The following HEATR5B variants were observed in gnomAD, a reference collection of about 807,000 sequenced individuals.
HEATR5B encodes HEAT repeat containing 5B.
A neutral mutation model predicts 224.1 loss-of-function variants in HEATR5B; 156 were observed. The observed-to-expected ratio is 0.70, with a 90% CI of 0.61 to 0.80. HEATR5B has a LOEUF of 0.80. HEATR5B is among the 30% of genes least tolerant of loss of function. HEATR5B has a pLI of 0.00. For missense variants in HEATR5B, 2,323 were observed against 2,535.5 expected (o/e 0.92, Z 1.80); for synonymous variants, 1,027 against 893.0 (o/e 1.15, Z -2.68).
At chr2:37,060,868 A>G (rs951572317) in intron 11 of HEATR5B, 135 bp from the exon 12 acceptor site, 15 of 562,574 alleles carry the variant, frequency 2.7e-5, no homozygotes, top group Admixed American at 3.8e-5. Flanking sequence ...ATGTTTAACA[A>G]TATCTGTTAT....
rs982489567 is a variant in HEATR5B, at chr2:37,057,526, G to A, written c.2060-46C>T. 4.4e-6 allele frequency: 6 copies of A among 1,372,192 alleles called. No homozygotes were observed. The African/African-American group carries it at 8.9e-5, about 20-fold the overall frequency. 85.0% of individuals were successfully genotyped at this position (1,372,192 alleles called of 1,614,324 possible). ...TCAGATTAAAAAGAATAATTTTTGT[G>A]AAAATTATAATCATTGCCCACAAAG... On this transcript the variant is annotated intron_variant, in intron 14 of 35. Transcript: ENST00000233099.
At chr2:37,059,565 G>C (rs2148555951) in intron 12 of HEATR5B, among the ~76,000 whole-genome samples, 1 of 146,776 alleles carries the variant, frequency 6.8e-6, no homozygotes, top group East Asian at 2.1e-4. Flanking sequence ...CTAGGTTCAA[G>C]CAATTCTCCT....
intron 10 of HEATR5B, 151 bp from the exon 11 acceptor site, chr2:37,062,201 CAG>C: frequency 3.8e-6 from 2 of 526,024 alleles, no homozygotes; most frequent in Non-Finnish European, 6.9e-6. Context: ...CTGAGGCAGG[CAG>C]ATTGCCTGAG....
chr2:37,024,607 A>AT (rs1668656667), intron 24 of HEATR5B, among the ~76,000 whole-genome samples: 1 of 152,230 alleles, frequency 6.6e-6, no homozygotes, highest in African/African-American at 2.4e-5. Context: ...AGAAACAAAC[A>AT]AACAAGAATG....
intron 35 of HEATR5B, among the ~76,000 whole-genome samples, chr2:36,984,787 A>C (rs1395137948): frequency 6.6e-6 from 1 of 152,186 alleles, no homozygotes; most frequent in East Asian, 1.9e-4. Context: ...CAAATTCTTA[A>C]GCAAAGGAGA....
chr2:37,045,439 AG>A (rs1349821239), intron 18 of HEATR5B, among the ~76,000 whole-genome samples: 1 of 152,214 alleles, frequency 6.6e-6, no homozygotes, highest in Non-Finnish European at 1.5e-5. Flanking sequence ...AGGGTGGGTC[AG>A]GGATGTTGCT....
chr2:37,054,022 T>C (rs1329914940), intron 16 of HEATR5B, among the ~76,000 whole-genome samples: 1 of 151,966 alleles, frequency 6.6e-6, no homozygotes, highest in Non-Finnish European at 1.5e-5. Flanking sequence ...ACTCTTAGAA[T>C]AGTACCTCAT....
chr2:37,083,910 G>A (rs1038265287), intron 1 of HEATR5B, among the ~76,000 whole-genome samples: 1 of 152,214 alleles, frequency 6.6e-6, no homozygotes, highest in Non-Finnish European at 1.5e-5. Flanking sequence ...CCGAACTGCA[G>A]GTCTCCAAGA....
At position 37,014,099 on chromosome 2, in the gene HEATR5B, C is replaced by G. The variant is rs1667962374; in HGVS notation, c.4105-79G>C. On this transcript the variant is annotated intron_variant, in intron 26 of 35. Coordinates refer to ENST00000233099, the MANE Select transcript of HEATR5B (RefSeq NM_019024.3). The stretch of plus-strand genomic sequence containing the variant: ...GAAAATGGAATAAATGACTTTTTTC[C>G]TAGAAGATAAAACACAAAACCAAAG... 3.9e-6 allele frequency: 3 copies of G among 776,698 alleles called. No homozygotes were observed. In the East Asian group the frequency reaches 8.5e-5, roughly 22 times the overall value. 48.1% of individuals were successfully genotyped at this position (776,698 alleles called of 1,614,324 possible). A position where few individuals can be genotyped will look rare whatever the true frequency, so the allele number is the denominator to read the frequency against.
At chr2:37,055,030 A>G in intron 16 of HEATR5B, 1 of 349,166 alleles carries the variant, frequency 2.9e-6, no homozygotes, top group Non-Finnish European at 5.9e-6. Context: ...ATGTACGTGT[A>G]TACATGCACA....
chr2:37,048,070 C>A (rs1336734525), intron 18 of HEATR5B, among the ~76,000 whole-genome samples: 1 of 152,004 alleles, frequency 6.6e-6, no homozygotes, highest in Non-Finnish European at 1.5e-5. Flanking sequence ...ATAATGAAGG[C>A]AAGCACTGAT....
intron 12 of HEATR5B, 108 bp from the exon 13 acceptor site, chr2:37,059,095 C>T (rs545248973): frequency 1.2e-5 from 7 of 574,676 alleles, no homozygotes; most frequent in Non-Finnish European, 1.7e-5. Flanking sequence ...ATTATTATAA[C>T]GTATAAGGTT....
intron 24 of HEATR5B, among the ~76,000 whole-genome samples, chr2:37,021,157 C>A (rs970728603): frequency 9.2e-5 from 14 of 152,110 alleles, no homozygotes; most frequent in African/African-American, 3.4e-4. Flanking sequence ...GGTAAAGAAC[C>A]AGATAGTTAA....
chr2:37,044,310 T>C (rs1413529128), intron 18 of HEATR5B, among the ~76,000 whole-genome samples: 1 of 152,236 alleles, frequency 6.6e-6, no homozygotes, highest in Non-Finnish European at 1.5e-5. Flanking sequence ...ACCACTGAGC[T>C]GTCTTCTATC....
intron 26 of HEATR5B, among the ~76,000 whole-genome samples, chr2:37,017,643 T>A (rs1007163122): frequency 2.2e-5 from 3 of 134,026 alleles, no homozygotes; most frequent in Non-Finnish European, 3.0e-5. Flanking sequence ...CCAAGATTCA[T>A]GCCACTGTAC....
chr2:37,065,510 T>C (rs1185043471), intron 9 of HEATR5B, among the ~76,000 whole-genome samples: 1 of 152,120 alleles, frequency 6.6e-6, no homozygotes, highest in African/African-American at 2.4e-5. Context: ...ACTTTCACCA[T>C]GTTGACCAGG....
intron 21 of HEATR5B, 90 bp downstream of exon 21, chr2:37,037,765 T>C (rs1352681361): frequency 6.9e-6 from 6 of 863,982 alleles, no homozygotes; most frequent in Non-Finnish European, 8.0e-6. Context: ...CCCAAAAATA[T>C]ATATAGCTAG....
chr2:37,081,651 T>C (rs1010873706), intron 2 of HEATR5B, among the ~76,000 whole-genome samples: 4 of 152,142 alleles, frequency 2.6e-5, no homozygotes, highest in Non-Finnish European at 5.9e-5. Context: ...AGAATCCTCT[T>C]CTTCATTATG....
chr2:37,008,026 G>C (rs948578935), intron 28 of HEATR5B: 8 of 154,582 alleles, frequency 5.2e-5, no homozygotes, highest in African/African-American at 1.9e-4. Flanking sequence ...CTAACACTGA[G>C]GACTTCCTCA....
Sources: gnomAD v4.1 joint callset for allele counts (sites outside exome capture counted in the v4.1 genomes callset) on GRCh38, gnomAD v4.1.1 for gene constraint, MANE v1.5 for transcripts, NCBI Gene and HGNC (gene_info 2026-07-23, HGNC 2026-07-21) for gene names.